Variants in TMC5 observed in about 807,000 individuals in gnomAD.
The protein encoded by TMC5 is transmembrane channel-like protein 5.
A neutral mutation model predicts 110.5 loss-of-function variants in TMC5; 86 were observed. That is an observed-to-expected ratio of 0.78 (90% CI 0.65 to 0.93). The LOEUF (loss-of-function observed/expected upper bound fraction) is 0.93. TMC5 is among the 40% of genes least tolerant of loss of function. The pLI, the probability that TMC5 is intolerant of heterozygous loss-of-function variation, is 0.00. For synonymous variants in TMC5, 455 were observed against 439.5 expected, an observed-to-expected ratio of 1.04 and a Z score of -0.44; for missense variants, 1,144 against 1,222.8, an observed-to-expected ratio of 0.94 and a Z score of 0.96.
At chr16:19,455,518 C>T (rs990613741) in intron 5 of TMC5, among the ~76,000 whole-genome samples, 4 of 152,152 alleles carry the variant, frequency 2.6e-5, no homozygotes, top group Non-Finnish European at 4.4e-5. Flanking sequence ...CCCATGATGC[C>T]CTCAAGGACT....
At chr16:19,416,910 A>G (rs1193020491), upstream of TMC5, among the ~76,000 whole-genome samples, 1 of 152,040 alleles carries the variant, frequency 6.6e-6, no homozygotes, top group Admixed American at 6.6e-5. Flanking sequence ...CCTGGCCAAC[A>G]TGGTGAAACC....
intron 14 of TMC5, among the ~76,000 whole-genome samples, chr16:19,480,971 G>T (rs1968605277): frequency 6.6e-6 from 1 of 151,954 alleles, no homozygotes; most frequent in African/African-American, 2.4e-5. Context: ...AACATAATTT[G>T]ATAGCAGCAA....
intron 9 of TMC5, 128 bp downstream of exon 9, chr16:19,466,361 T>C (rs902883574): frequency 9.7e-7 from 1 of 1,025,686 alleles, no homozygotes; most frequent in Non-Finnish European, 1.4e-6. Context: ...TCTCTTTTCT[T>C]TTCTTTCTTA....
chr16:19,447,649 A>G (rs79364871), intron 4 of TMC5, among the ~76,000 whole-genome samples: 10,652 of 152,032 alleles, frequency 0.07, 760 homozygotes, highest in African/African-American at 0.19. Flanking sequence ...CAGTGGTGCA[A>G]TCTCAGCTCA....
At chr16:19,477,774 C>A (rs1463091181) in intron 13 of TMC5, among the ~76,000 whole-genome samples, 1 of 152,162 alleles carries the variant, frequency 6.6e-6, no homozygotes, top group Non-Finnish European at 1.5e-5. Flanking sequence ...CTCTTTGAGC[C>A]TCAGTTTTCT....
intron 3 of TMC5, 91 bp from the exon 4 acceptor site, chr16:19,443,990 T>C (rs1967551934): frequency 8.3e-7 from 1 of 1,199,878 alleles, no homozygotes. Flanking sequence ...GATGAATACA[T>C]GATTGAATGG....
chr16:19,492,943 A>ATATATATATATATATATATATATATAT lies in TMC5; in HGVS notation c.2826+715_2826+716insTATATATATATATATATATATATATAT, dbSNP rs61334845. 9.9e-4 allele frequency among the ~76,000 whole-genome samples: 91 copies of ATATATATATATATATATATATATATAT among 91,990 alleles called. 15 individuals are homozygous for ATATATATATATATATATATATATATAT. Among genetic ancestry groups the ATATATATATATATATATATATATATAT allele is most frequent in the Middle Eastern group, 7.5e-3 (1 of 134 alleles). The allele number at this position is 91,990 out of a possible 152,430, so 60.3% of individuals were successfully genotyped here. A position where few individuals can be genotyped will look rare whatever the true frequency, so the allele number is the denominator to read the frequency against. The stretch of plus-strand genomic sequence containing the variant: ...ATATATATATATATATCTCTCTATA[A>ATATATATATATATATATATATATATAT]GATAAATACTTTTATTTCATTTATT... On this transcript the variant is annotated intron_variant, in intron 19 of 21. Transcript: ENST00000542583.
intron 20 of TMC5, among the ~76,000 whole-genome samples, chr16:19,496,756 G>A (rs1969062652): frequency 6.6e-6 from 1 of 151,842 alleles, no homozygotes; most frequent in African/African-American, 2.4e-5. Flanking sequence ...TGGGCGTGGT[G>A]GCAGGCACCT....
chr16:19,495,899 C>T (rs961045123), intron 20 of TMC5, among the ~76,000 whole-genome samples: 2 of 151,820 alleles, frequency 1.3e-5, no homozygotes, highest in South Asian at 4.2e-4. Flanking sequence ...TTTGGGAGGC[C>T]GAGGCGGGCT....
Position 19,492,930 on chromosome 16 carries a change from ATATC to A in TMC5, c.2826+704_2826+707del. On this transcript the variant is annotated intron_variant, in intron 19 of 21. Coordinates refer to ENST00000542583, the MANE Select transcript of TMC5 (RefSeq NM_001261841.2). ...TTAAAACTTAGATATATATATATAT[ATATC>A]TCTCTATAAGATAAATACTTTTATT... is the stretch of plus-strand genomic sequence containing the variant. 1.7e-5 allele frequency among the ~76,000 whole-genome samples: 2 copies of A among 114,884 alleles called. 1 individual carries two copies. Among genetic ancestry groups the A allele is most frequent in the East Asian group, 4.6e-4 (2 of 4,340 alleles). The allele number at this position is 114,884 out of a possible 152,430, so 75.4% of individuals were successfully genotyped here. A position where few individuals can be genotyped will look rare whatever the true frequency, so the allele number is the denominator to read the frequency against.
At chr16:19,497,275 A>C in intron 21 of TMC5, 112 bp downstream of exon 21, 1 of 1,165,170 alleles carries the variant, frequency 8.6e-7, no homozygotes, top group Non-Finnish European at 1.3e-6. Context: ...TGCAAATTGG[A>C]TCCAAACTGG....
intron 6 of TMC5, among the ~76,000 whole-genome samples, chr16:19,463,001 T>G (rs892211201): frequency 3.4e-4 from 52 of 152,096 alleles, no homozygotes; most frequent in African/African-American, 1.2e-3. Context: ...TCTCAAACTT[T>G]TGGGCCCAAG....
At chr16:19,460,119 C>T in intron 5 of TMC5, 116 bp from the exon 6 acceptor site, 1 of 629,262 alleles carries the variant, frequency 1.6e-6, no homozygotes, top group Admixed American at 3.2e-5. Context: ...TCTTTGAGAT[C>T]CCCAACTCCA....
At chr16:19,471,976 G>A in intron 10 of TMC5, 112 bp from the exon 11 acceptor site, 1 of 1,083,540 alleles carries the variant, frequency 9.2e-7, no homozygotes, top group Non-Finnish European at 1.3e-6. Flanking sequence ...GTCCAGGCTG[G>A]TCTCAAACTC....
intron 4 of TMC5, among the ~76,000 whole-genome samples, chr16:19,446,732 C>A (rs115978729): frequency 0.02 from 3,115 of 152,236 alleles, 43 homozygotes; most frequent in South Asian, 0.075. Flanking sequence ...TGAATCAGGG[C>A]AAATACAAAC....
intron 4 of TMC5, among the ~76,000 whole-genome samples, chr16:19,448,194 G>A (rs879445395): frequency 6.7e-6 from 1 of 149,764 alleles, no homozygotes; most frequent in Non-Finnish European, 1.5e-5. Flanking sequence ...GGCTATGTTA[G>A]AGTGCAGTTT....
chr16:19,455,765 A>T (rs1191509665), intron 5 of TMC5, among the ~76,000 whole-genome samples: 2 of 152,196 alleles, frequency 1.3e-5, no homozygotes, highest in African/African-American at 4.8e-5. Context: ...TGCACAGGAA[A>T]TGGAGCTTTT....
At chr16:19,455,973 C>T (rs892030780) in intron 5 of TMC5, among the ~76,000 whole-genome samples, 7 of 151,838 alleles carry the variant, frequency 4.6e-5, no homozygotes, top group African/African-American at 9.7e-5. Flanking sequence ...TTTGGGAGGC[C>T]GAGGCAGGAG....
intron 4 of TMC5, among the ~76,000 whole-genome samples, chr16:19,444,669 A>C (rs975152011): frequency 6.6e-6 from 1 of 152,232 alleles, no homozygotes; most frequent in South Asian, 2.1e-4. Flanking sequence ...AAACAAAACC[A>C]CATTTTTTGT....
Sources: allele counts gnomAD v4.1 joint callset (sites outside exome capture counted in the v4.1 genomes callset), GRCh38; gene constraint gnomAD v4.1.1; transcripts MANE v1.5; gene names NCBI Gene and HGNC (gene_info 2026-07-23, HGNC 2026-07-21).